The following HEY2 variants were observed in gnomAD, a reference collection of about 807,000 sequenced individuals.
HEY2 encodes hairy/enhancer-of-split related with YRPW motif protein 2.
In HEY2, 10 loss-of-function variants were observed where a neutral mutation model predicts 18.1. That is an observed-to-expected ratio of 0.55 (90% CI 0.34 to 0.94). The LOEUF is 0.94. Among genes scored for constraint, HEY2 ranks in the 40% least tolerant of loss-of-function variants. HEY2 has a pLI of 0.02. For missense variants in HEY2, 455 were observed against 455.9 expected (o/e 1.00, Z 0.02); for synonymous variants, 210 against 182.7 (o/e 1.15, Z -1.21).
intron 1 of HEY2, chr6:125,750,433 G>A: frequency 4.1e-6 from 4 of 979,680 alleles, no homozygotes; most frequent in Non-Finnish European, 4.9e-6. Flanking sequence ...TCTCAAGTCT[G>A]GAAGAGATCG....
Position 125,759,304 on chromosome 6 carries a change from C to T in HEY2, c.516C>T (p.Ser172=), listed in dbSNP as rs1217967765. The change falls in exon 5 of 5, where the codon TCC becomes TCT. Residue 172 remains serine, a synonymous_variant. Transcript: ENST00000368364. ...GGGAGGCGGCGGCCATGACATCCTC[C>T]ATGGCCCACCACCATCATCCGCTCC... ...TQREAAAMTS[S]MAHHHHPLHP... 6.2e-7 allele frequency: 1 copy of T among 1,605,926 alleles called. No homozygotes were observed. Among genetic ancestry groups the T allele is most frequent in the Non-Finnish European group, 8.5e-7 (1 of 1,179,678 alleles).
In HEY2 at chr6:125,759,679, G is replaced by A; in HGVS notation, c.891G>A (p.Val297=). ...TTCCCCCAAACGCAGCAGCAGCAGT[G>A]GCCGCGGCCACAGCCATCAGCCCGC... ...PMLPPNAAAA[V]AAATAISPPL... The change falls in exon 5 of 5, where the codon GTG becomes GTA. Residue 297 remains valine (V), a synonymous_variant. Transcript: ENST00000368364. 6.2e-7 allele frequency: 1 copy of A among 1,612,454 alleles called. No homozygotes were observed. Among genetic ancestry groups the A allele is most frequent in the Non-Finnish European group, 8.5e-7 (1 of 1,179,994 alleles).
At position 125,759,913 on chromosome 6, in the gene HEY2, A is replaced by G. The variant is rs1364129487; in HGVS notation, c.*111A>G. On this transcript the variant is annotated 3_prime_UTR_variant, in exon 5 of 5. Coordinates refer to ENST00000368364, the MANE Select transcript of HEY2 (RefSeq NM_012259.3). The stretch of plus-strand genomic sequence containing the variant: ...ACAGATGCCGACAGATCCACAAAGG[A>G]ACAATAAAGCTATTTGAGACACAAA... The G allele has an allele frequency of 1.2e-6, 1 of 822,604 alleles. No homozygotes were observed. Among genetic ancestry groups the G allele is most frequent in the Non-Finnish European group, 1.9e-6 (1 of 528,998 alleles). The allele number at this position is 822,604 out of a possible 1,614,324, so 51.0% of individuals were successfully genotyped here.
Position 125,759,362 on chromosome 6 carries a change from C to T in HEY2, c.574C>T (p.Leu192=). 6.2e-7 allele frequency: 1 copy of T among 1,605,402 alleles called. No homozygotes were observed. The highest frequency in any genetic ancestry group is 8.5e-7 in the Non-Finnish European group (1 of 1,176,976). The change falls in exon 5 of 5, where the codon CTG becomes TTG. Residue 192 remains leucine (L), a synonymous_variant. Transcript: ENST00000368364. ...TCACTGGGCCGCCGCCTTCCACCAC[C>T]TGCCCGCAGCCCTGCTCCAGCCCAA... is the stretch of plus-strand genomic sequence containing the variant. The part of the protein sequence containing the change: ...PHHWAAAFHH[L]PAALLQPNGL...
intron 1 of HEY2, among the ~76,000 whole-genome samples, chr6:125,751,242 T>G (rs993065067): frequency 1.3e-5 from 2 of 152,230 alleles, no homozygotes; most frequent in African/African-American, 2.4e-5. Flanking sequence ...ACATCAAGTT[T>G]GTCAATTTTT....
In HEY2 at chr6:125,759,899, C is replaced by G; in HGVS notation, c.*97C>G. 1 of 921,192 alleles carries G rather than the reference C, an allele frequency of 1.1e-6. No homozygotes were observed. The highest frequency in any genetic ancestry group is 1.6e-6 in the Non-Finnish European group (1 of 608,882). The allele number at this position is 921,192 out of a possible 1,614,324, so 57.1% of individuals were successfully genotyped here. ...CTGAAGGTAGCCATACAGATGCCGA[C>G]AGATCCACAAAGGAACAATAAAGCT... On this transcript the variant is annotated 3_prime_UTR_variant, in exon 5 of 5. Coordinates refer to ENST00000368364, the MANE Select transcript of HEY2 (RefSeq NM_012259.3).
At chr6:125,755,487 C>T (rs1004148818) in intron 4 of HEY2, among the ~76,000 whole-genome samples, 1 of 152,150 alleles carries the variant, frequency 6.6e-6, no homozygotes, top group Non-Finnish European at 1.5e-5. Flanking sequence ...GAAGGCCTCC[C>T]GGTGCTCAGC....
chr6:125,758,164 GC>G (rs1773702872), intron 4 of HEY2, among the ~76,000 whole-genome samples: 2 of 151,976 alleles, frequency 1.3e-5, no homozygotes, highest in African/African-American at 4.8e-5. Flanking sequence ...TGCCCTACAT[GC>G]CCTACATGGG....
At chr6:125,754,407 G>A (rs1311213826) in intron 3 of HEY2, 58 bp from the exon 4 acceptor site, 2 of 1,019,872 alleles carry the variant, frequency 2.0e-6, no homozygotes, top group African/African-American at 3.3e-5. Context: ...AGTGTATAAT[G>A]TTTCAGATTA....
chr6:125,755,659 G>C (rs1773640352), intron 4 of HEY2, among the ~76,000 whole-genome samples: 1 of 152,204 alleles, frequency 6.6e-6, no homozygotes, highest in African/African-American at 2.4e-5. Context: ...GCGTCTAGTA[G>C]GGAGGGAGGG....
rs1773498662 is a variant in HEY2, at chr6:125,749,802, C to T, written c.26C>T (p.Thr9Ile). The change falls in exon 1 of 5, where the codon ACC becomes ATC. Residue 9 changes from threonine (T) to isoleucine (I), a missense_variant. Thr to Ile is a moderately conservative substitution (Grantham distance 89). Transcript: ENST00000368364. ...ATGAAGCGCCCCTGCGAGGAGACGA[C>T]CTCCGAGAGCGACATGGACGAGACC... is the stretch of plus-strand genomic sequence containing the variant. MKRPCEET[T>I]SESDMDETID... is the part of the protein sequence containing the mutation. 1.3e-6 allele frequency: 2 copies of T among 1,583,372 alleles called. No individual in the cohort carries two copies. The highest frequency in any genetic ancestry group is 2.7e-5 in the African/African-American group (2 of 74,122).
In HEY2 at chr6:125,759,417, G is replaced by C. The variant is rs149958857; in HGVS notation, c.629G>C (p.Cys210Ser). 48 of 1,611,402 alleles carry C rather than the reference G, an allele frequency of 3.0e-5. No homozygotes were observed. Among genetic ancestry groups the C allele is most frequent in the Non-Finnish European group, 3.6e-5 (43 of 1,179,822 alleles). Residue 210 changes from cysteine (C) to serine (S), a missense_variant, in exon 5 of 5, where the codon TGT becomes TCT. By Grantham distance (112) the Cys-to-Ser change is moderately radical. Transcript: ENST00000368364. ...NGLHASESTP[C>S]RLSTTSEVPP... ...CTCCATGCCTCAGAGTCAACCCCTT[G>C]TCGCCTCTCCACAACTTCAGAAGTG...
rs1420126948 is a variant in HEY2 at position 125,749,909 on chromosome 6, G to C, written c.83+50G>C. On this transcript the variant is annotated intron_variant, in intron 1 of 4. Coordinates refer to ENST00000368364, the MANE Select transcript of HEY2 (RefSeq NM_012259.3). ...GCCCGCAGCTCGGGAGCTTGGGGTA[G>C]CTTTGTGAATGCGTGGCTCCCTGGA... The C allele has an allele frequency of 3.5e-6, 5 of 1,428,144 alleles. No individual in the cohort carries two copies. The South Asian group carries it at 4.9e-5, about 14-fold the overall frequency. 88.5% of individuals were successfully genotyped at this position (1,428,144 alleles called of 1,614,324 possible). A position where few individuals can be genotyped will look rare whatever the true frequency, so the allele number is the denominator to read the frequency against.
In HEY2 at chr6:125,759,350, G is replaced by A. The variant is rs147415979; in HGVS notation, c.562G>A (p.Ala188Thr). Residue 188 changes from alanine (A) to threonine (T), a missense_variant, in exon 5 of 5, where the codon GCC becomes ACC. Ala to Thr is a moderately conservative substitution (Grantham distance 58). Coordinates refer to ENST00000368364, the MANE Select transcript of HEY2 (RefSeq NM_012259.3). ...HPLHPHHWAA[A>T]FHHLPAALLQ... The stretch of plus-strand genomic sequence containing the variant: ...GCTCCACCCGCATCACTGGGCCGCC[G>A]CCTTCCACCACCTGCCCGCAGCCCT... 1.0e-5 allele frequency: 16 copies of A among 1,604,004 alleles called. No homozygotes were observed. The African/African-American group carries it at 1.5e-4, about 15-fold the overall frequency.
chr6:125,759,490 G>A lies in HEY2; in HGVS notation c.702G>A (p.Ala234=), dbSNP rs200354112. 2.4e-5 allele frequency: 38 copies of A among 1,611,352 alleles called. No individual in the cohort carries two copies. In the East Asian group the frequency reaches 6.7e-4, roughly 28 times the overall value. Residue 234 remains alanine, a synonymous_variant, in exon 5 of 5, where the codon GCG becomes GCA. Coordinates refer to ENST00000368364, the MANE Select transcript of HEY2 (RefSeq NM_012259.3). ...TCCTCACGGCCACGTTTGCCCATGC[G>A]GATTCAGCCCTCCGAATGCCATCCA... is the stretch of plus-strand genomic sequence containing the variant. ...SALLTATFAH[A]DSALRMPSTG...
chr6:125,752,113 T>TAACCC, intron 3 of HEY2, 23 bp downstream of exon 3: 1 of 1,258,320 alleles, frequency 7.9e-7, no homozygotes, highest in East Asian at 3.0e-5. Context: ...CTCCCCAGAA[T>TAACCC]CCCCCCACCC....
chr6:125,750,105 A>G (rs534264012), intron 1 of HEY2, among the ~76,000 whole-genome samples: 3 of 152,348 alleles, frequency 2.0e-5, no homozygotes, highest in East Asian at 1.9e-4. Context: ...GGCAGAGCGC[A>G]GGAGTTGGCG....
rs1437338369 is a variant in HEY2, at chr6:125,749,650, A to G, written c.-127A>G. 1.5e-5 allele frequency: 8 copies of G among 545,420 alleles called. No individual in the cohort carries two copies. Among genetic ancestry groups the G allele is most frequent in the African/African-American group, 1.0e-4 (5 of 49,488 alleles). The allele number at this position is 545,420 out of a possible 1,614,324, so 33.8% of individuals were successfully genotyped here. On this transcript the variant is annotated 5_prime_UTR_variant, in exon 1 of 5. Transcript: ENST00000368364. ...GGCGTGGGAAAGAGCCGCTAGGAGC[A>G]GACCGCGCCGCCGCCGGAGCCGCGC...
At chr6:125,752,943 T>G (rs570662067) in intron 3 of HEY2, among the ~76,000 whole-genome samples, 24 of 152,354 alleles carry the variant, frequency 1.6e-4, no homozygotes, top group African/African-American at 5.8e-4. Context: ...CTGCAAACAT[T>G]ATAAAACAAG....
Sources: allele counts gnomAD v4.1 joint callset (sites outside exome capture counted in the v4.1 genomes callset), GRCh38; gene constraint gnomAD v4.1.1; transcripts MANE v1.5; gene names NCBI Gene and HGNC (gene_info 2026-07-23, HGNC 2026-07-21).